Variants in GEMIN8 observed in about 807,000 individuals in gnomAD.
GEMIN8 encodes gem nuclear organelle associated protein 8, also known as gem-associated protein 8.
For synonymous variants in GEMIN8, 80 were observed against 78.5 expected (o/e 1.02, Z -0.10); for missense variants, 185 against 205.9 (o/e 0.90, Z 0.62).
At chrX:14,001,683 G>A in the GEMIN8 span, among the ~76,000 whole-genome samples, 6 of 111,831 alleles carry the variant, frequency 5.4e-5, no homozygotes, top group Non-Finnish European at 7.5e-5. Context: ...ACCACACCCC[G>A]CTAATTTTTG....
At chrX:14,012,131 A>AT (rs1169756628) in intron 4 of GEMIN8, among the ~76,000 whole-genome samples, 4,960 of 96,959 alleles carry the variant, frequency 0.051, 141 homozygotes, top group Non-Finnish European at 0.084. Context: ...TTCCTCATGA[A>AT]TTTTTTTTTT....
downstream of GEMIN8, among the ~76,000 whole-genome samples, chrX:14,001,735 T>C (rs1407215034): frequency 9.0e-5 from 10 of 111,283 alleles, no homozygotes; most frequent in East Asian, 2.3e-3. Flanking sequence ...ATAGTCTCCA[T>C]CTCTTGACCT....
chrX:13,995,717 T>C, the GEMIN8 span, among the ~76,000 whole-genome samples: 4 of 111,505 alleles, frequency 3.6e-5, no homozygotes, highest in Non-Finnish European at 5.7e-5. Flanking sequence ...GCTTCTCACA[T>C]TCCTTCTTTG....
chrX:13,999,954 T>C, the GEMIN8 span, among the ~76,000 whole-genome samples: 20 of 111,478 alleles, frequency 1.8e-4, no homozygotes, highest in Non-Finnish European at 5.6e-5. Flanking sequence ...GCTGTTATTT[T>C]CCCCTTTCTG....
At position 14,007,785 on chromosome X, in the gene GEMIN8, C is replaced by A. The variant is rs1355509591; in HGVS notation, c.*1128G>T. Among the ~76,000 whole-genome samples, 1 of 110,710 alleles carries A rather than the reference C, an allele frequency of 9.0e-6. No homozygotes were observed. The highest frequency in any genetic ancestry group is 2.8e-4 in the East Asian group (1 of 3,514). ...CTCGTGATCTGCCCACCTCAGCCTC[C>A]CAAAGTGCTGGGATTACAGGCATGA... On this transcript the variant is annotated 3_prime_UTR_variant, in exon 5 of 5. Coordinates refer to ENST00000680255, the MANE Select transcript of GEMIN8 (RefSeq NM_001042479.2).
At chrX:14,014,433 A>G (rs915750296) in intron 4 of GEMIN8, 1 of 752,478 alleles carries the variant, frequency 1.3e-6, no homozygotes, top group Non-Finnish European at 1.6e-6. Flanking sequence ...GACAACCGCC[A>G]TTTTTACTTT....
chrX:13,996,214 C>T, the GEMIN8 span, among the ~76,000 whole-genome samples: 1 of 112,068 alleles, frequency 8.9e-6, no homozygotes, highest in East Asian at 2.8e-4. Flanking sequence ...TCTGTGTCCA[C>T]AAGATGGTCC....
chrX:14,027,698 G>A (rs976149945), intron 1 of GEMIN8, among the ~76,000 whole-genome samples: 3 of 112,224 alleles, frequency 2.7e-5, no homozygotes, highest in Non-Finnish European at 1.9e-5. Context: ...CCACAGAAGG[G>A]CATTGTTTAA....
At chrX:14,004,483 G>A (rs374883217), downstream of GEMIN8, among the ~76,000 whole-genome samples, 169 of 112,444 alleles carry the variant, frequency 1.5e-3, no homozygotes, top group Middle Eastern at 4.6e-3. Context: ...AAATGCCACC[G>A]TGCCCTTCAA....
the GEMIN8 span, among the ~76,000 whole-genome samples, chrX:13,993,130 A>G: frequency 8.9e-6 from 1 of 112,369 alleles, no homozygotes; most frequent in Non-Finnish European, 1.9e-5. Flanking sequence ...AACAGATACT[A>G]TAAACATATT....
At chrX:13,988,066 T>C in the GEMIN8 span, among the ~76,000 whole-genome samples, 1 of 111,718 alleles carries the variant, frequency 9.0e-6, no homozygotes, top group African/African-American at 3.3e-5. Flanking sequence ...TTTAGAGCAA[T>C]CATGATTCAT....
intron 4 of GEMIN8, chrX:14,013,959 T>G (rs1187167127): frequency 1.4e-6 from 1 of 714,283 alleles, no homozygotes. Flanking sequence ...ATCCTGGTAT[T>G]TTTCACATCA....
At chrX:14,026,015 T>G (rs1184681522) in intron 2 of GEMIN8, 125 bp downstream of exon 2, 13 of 723,088 alleles carry the variant, frequency 1.8e-5, no homozygotes, top group Non-Finnish European at 2.1e-5. Context: ...ATCTAAATAA[T>G]TATAGACATT....
downstream of GEMIN8, among the ~76,000 whole-genome samples, chrX:14,003,183 G>A (rs377339851): frequency 3.2e-4 from 36 of 112,636 alleles, no homozygotes; most frequent in African/African-American, 9.0e-4. Flanking sequence ...GGACTAGACC[G>A]TAACCTCATG....
At chrX:13,989,269 A>ATT in the GEMIN8 span, among the ~76,000 whole-genome samples, 2 of 103,401 alleles carry the variant, frequency 1.9e-5, no homozygotes, top group East Asian at 6.1e-4. Context: ...TTAAATTTAA[A>ATT]TTTTTTTTTT....
At chrX:13,992,628 G>T in the GEMIN8 span, among the ~76,000 whole-genome samples, 18 of 111,235 alleles carry the variant, frequency 1.6e-4, no homozygotes, top group Non-Finnish European at 3.4e-4. Flanking sequence ...TGGTCTAGGG[G>T]CCACATTTTG....
intron 4 of GEMIN8, among the ~76,000 whole-genome samples, chrX:14,015,708 T>C (rs910797435): frequency 8.9e-6 from 1 of 112,689 alleles, no homozygotes; most frequent in African/African-American, 3.2e-5. Context: ...TTCCTCTTGC[T>C]AGTAACATTT....
intron 4 of GEMIN8, among the ~76,000 whole-genome samples, chrX:14,019,031 TATA>T (rs1294188918): frequency 1.8e-5 from 2 of 112,052 alleles, no homozygotes; most frequent in Non-Finnish European, 1.9e-5. Context: ...TACTAAAGGA[TATA>T]ATATTTTATA....
intron 3 of GEMIN8, 90 bp from the exon 4 acceptor site, chrX:14,020,624 G>A (rs1266731322): frequency 5.0e-6 from 3 of 603,239 alleles, no homozygotes; most frequent in Non-Finnish European, 5.2e-6. Context: ...TACCCAACAG[G>A]TATTTACTTA....
Sources: gnomAD v4.1 joint callset for allele counts (sites outside exome capture counted in the v4.1 genomes callset) on GRCh38, gnomAD v4.1.1 for gene constraint, MANE v1.5 for transcripts, NCBI Gene and HGNC (gene_info 2026-07-23, HGNC 2026-07-21) for gene names.